DPP6: variants seen among roughly 807,000 people sequenced by gnomAD.
DPP6 encodes the protein dipeptidyl peptidase like 6.
In DPP6, 69 loss-of-function variants were observed where a neutral mutation model predicts 122.6. The ratio of observed to expected loss-of-function variants is 0.56; its 90% CI spans 0.46 to 0.69. The LOEUF is 0.69. Among genes scored for constraint, DPP6 ranks in the 30% least tolerant of loss-of-function variants. The pLI is 0.00. For missense variants in DPP6, 928 were observed against 1,116.9 expected (o/e 0.83, Z 2.41); for synonymous variants, 418 against 433.1 (o/e 0.97, Z 0.43).
chr7:154,592,911 CAACT>C (rs1278097274), intron 5 of DPP6, among the ~76,000 whole-genome samples: 2 of 152,300 alleles, frequency 1.3e-5, no homozygotes, highest in Admixed American at 1.3e-4. Context: ...AGGGGGAACA[CAACT>C]AATACCCCAT....
At chr7:154,267,875 A>G (rs910558496) in intron 1 of DPP6, among the ~76,000 whole-genome samples, 15 of 127,602 alleles carry the variant, frequency 1.2e-4, no homozygotes, top group Non-Finnish European at 1.8e-4. Context: ...GTGTGTATAT[A>G]TTTATCCCTT....
At chr7:153,784,792 G>A in the DPP6 span, among the ~76,000 whole-genome samples, 2 of 152,164 alleles carry the variant, frequency 1.3e-5, no homozygotes, top group East Asian at 3.9e-4. Context: ...CAACAGACAG[G>A]TAGGGAATGG....
In DPP6 at chr7:154,424,457, C is replaced by T. The variant is rs1256312699; in HGVS notation, c.244-21757C>T. The stretch of plus-strand genomic sequence containing the variant: ...AGAGGCTTCTACATGTCTTGGCTCA[C>T]GGCTCTTTCCTCCGCCTTCAGAGCC... On this transcript the variant is annotated intron_variant, in intron 1 of 25. Coordinates refer to ENST00000377770, the MANE Select transcript of DPP6 (RefSeq NM_130797.4). Among the ~76,000 whole-genome samples, 6 of 152,188 alleles carry T rather than the reference C, an allele frequency of 3.9e-5. No individual in the cohort carries two copies. The South Asian group carries it at 6.2e-4, about 16-fold the overall frequency.
intron 3 of DPP6, among the ~76,000 whole-genome samples, chr7:154,488,325 A>G (rs2151382446): frequency 6.6e-6 from 1 of 152,124 alleles, no homozygotes; most frequent in African/African-American, 2.4e-5. Context: ...CGTCTCTACT[A>G]AAAATACAAA....
chr7:154,576,525 T>C (rs1432832179), intron 5 of DPP6, among the ~76,000 whole-genome samples: 1 of 152,204 alleles, frequency 6.6e-6, no homozygotes, highest in African/African-American at 2.4e-5. Flanking sequence ...TTTCTAGGCC[T>C]AGTGAAAGAA....
intron 1 of DPP6, among the ~76,000 whole-genome samples, chr7:154,347,859 G>A (rs1329645959): frequency 6.6e-6 from 1 of 152,182 alleles, no homozygotes; most frequent in Non-Finnish European, 1.5e-5. Context: ...GCCAACTTGT[G>A]GAGTGAACCA....
intron 10 of DPP6, among the ~76,000 whole-genome samples, chr7:154,789,192 G>A (rs1274615951): frequency 2.0e-5 from 3 of 152,194 alleles, no homozygotes; most frequent in Non-Finnish European, 4.4e-5. Flanking sequence ...CTGGAAGACA[G>A]TCTAACCCAT....
the DPP6 span, among the ~76,000 whole-genome samples, chr7:153,831,189 A>G: frequency 6.6e-6 from 1 of 152,248 alleles, no homozygotes; most frequent in African/African-American, 2.4e-5. Context: ...CAGAGGACCA[A>G]CAAGGGGCCC....
chr7:153,959,090 C>T (rs886687166), intron 1 of DPP6, among the ~76,000 whole-genome samples: 1 of 152,090 alleles, frequency 6.6e-6, no homozygotes, highest in South Asian at 2.1e-4. Flanking sequence ...AGGCCAAGAA[C>T]CTGGCCTCCT....
At chr7:154,704,270 G>A (rs1840699363) in intron 7 of DPP6, among the ~76,000 whole-genome samples, 1 of 152,238 alleles carries the variant, frequency 6.6e-6, no homozygotes, top group Non-Finnish European at 1.5e-5. Flanking sequence ...GATAAAACTT[G>A]AATGGGTGAG....
intron 1 of DPP6, among the ~76,000 whole-genome samples, chr7:154,311,729 C>T (rs369805045): frequency 1.2e-4 from 19 of 152,242 alleles, no homozygotes; most frequent in African/African-American, 4.3e-4. Flanking sequence ...TGTTGTTGAC[C>T]TTTCAGGACT....
chr7:154,231,093 A>T (rs1675716079), intron 1 of DPP6, among the ~76,000 whole-genome samples: 1 of 152,110 alleles, frequency 6.6e-6, no homozygotes, highest in South Asian at 2.1e-4. Context: ...CTGTTTCATT[A>T]TTTTCTACTC....
At chr7:153,905,726 T>G (rs1799823135) in intron 1 of DPP6, among the ~76,000 whole-genome samples, 3 of 152,192 alleles carry the variant, frequency 2.0e-5, no homozygotes, top group African/African-American at 7.2e-5. Context: ...TAGAAGATAC[T>G]TCACTGAGAA....
In DPP6 at chr7:154,738,179, C is replaced by T. The variant is rs946480547; in HGVS notation, c.883+10292C>T. On this transcript the variant is annotated intron_variant, in intron 8 of 25. Transcript: ENST00000377770. ...CACAGAGAATTTACCATGGAAAAGG[C>T]GGGGGTATTTTTTGACTGGAAGGTC... 4.6e-5 allele frequency among the ~76,000 whole-genome samples: 7 copies of T among 152,240 alleles called. 2 individuals carry two copies. Among genetic ancestry groups the T allele is most frequent in the Admixed American group, 2.6e-4 (4 of 15,294 alleles).
At chr7:154,781,682 C>T (rs373393914) in intron 10 of DPP6, among the ~76,000 whole-genome samples, 6 of 152,254 alleles carry the variant, frequency 3.9e-5, no homozygotes, top group African/African-American at 1.2e-4. Flanking sequence ...TCTATTAAAG[C>T]ACATCATCTT....
chr7:154,202,712 G>A (rs1799236398), intron 1 of DPP6, among the ~76,000 whole-genome samples: 1 of 152,054 alleles, frequency 6.6e-6, no homozygotes, highest in African/African-American at 2.4e-5. Context: ...GTTAGTTCAG[G>A]GCCCCTCCAT....
At chr7:154,801,746 G>A (rs1221123287) in intron 13 of DPP6, among the ~76,000 whole-genome samples, 1 of 152,132 alleles carries the variant, frequency 6.6e-6, no homozygotes, top group Non-Finnish European at 1.5e-5. Context: ...AAGGATGTTG[G>A]AGGACTGTCT....
At chr7:153,843,457 T>A in the DPP6 span, among the ~76,000 whole-genome samples, 1 of 152,122 alleles carries the variant, frequency 6.6e-6, no homozygotes, top group East Asian at 1.9e-4. Flanking sequence ...TGTTCCCAGG[T>A]GGATCGGCAG....
chr7:154,867,598 T>C (rs548961944), intron 17 of DPP6, among the ~76,000 whole-genome samples: 3 of 152,362 alleles, frequency 2.0e-5, no homozygotes, highest in South Asian at 4.1e-4. Flanking sequence ...ACCTTTCCTT[T>C]TCTGGTTATT....
Sources: gnomAD v4.1 joint callset for allele counts (sites outside exome capture counted in the v4.1 genomes callset) on GRCh38, gnomAD v4.1.1 for gene constraint, MANE v1.5 for transcripts, NCBI Gene and HGNC (gene_info 2026-07-23, HGNC 2026-07-21) for gene names.